DLG2: variants seen among roughly 807,000 people sequenced by gnomAD.
DLG2 encodes the protein disks large homolog 2.
A neutral mutation model predicts 132.5 loss-of-function variants in DLG2; 45 were observed. The ratio of observed to expected loss-of-function variants is 0.34; its 90% CI spans 0.27 to 0.44. DLG2 has a LOEUF of 0.44. DLG2 is among the 20% of genes least tolerant of loss of function. The probability of loss-of-function intolerance (pLI) is 1.00; values close to 1 mark genes in which losing one functional copy is unlikely to be tolerated. For synonymous variants in DLG2, 424 were observed against 419.6 expected, an observed-to-expected ratio of 1.01 and a Z score of -0.13; for missense variants, 1,045 against 1,196.9, an observed-to-expected ratio of 0.87 and a Z score of 1.87.
At chr11:85,032,533 T>C (rs7111336) in intron 6 of DLG2, among the ~76,000 whole-genome samples, 80,147 of 151,982 alleles carry the variant, frequency 0.53, 21,573 homozygotes, top group East Asian at 0.67. Flanking sequence ...TAGCAGGATC[T>C]ATTTTTTCCT....
intron 6 of DLG2, among the ~76,000 whole-genome samples, chr11:84,582,407 G>C (rs1018219834): frequency 6.7e-6 from 1 of 148,526 alleles, no homozygotes; most frequent in African/African-American, 2.5e-5. Context: ...ACTCTTTTAA[G>C]TTAAAATACA....
At chr11:85,331,407 CT>C (rs2081736845) in intron 3 of DLG2, among the ~76,000 whole-genome samples, 1 of 152,122 alleles carries the variant, frequency 6.6e-6, no homozygotes, top group Non-Finnish European at 1.5e-5. Context: ...CCTTGCCCTT[CT>C]TTTTCTTTAT....
intron 3 of DLG2, among the ~76,000 whole-genome samples, chr11:85,381,342 G>A (rs2085870755): frequency 6.6e-6 from 1 of 152,150 alleles, no homozygotes; most frequent in African/African-American, 2.4e-5. Context: ...AACAGATCCA[G>A]CCTCTTCAAC....
chr11:83,486,202 C>CTCCAGTT (rs1350039305), intron 21 of DLG2: 1 of 689,334 alleles, frequency 1.5e-6, no homozygotes, highest in Non-Finnish European at 2.6e-6. Flanking sequence ...TCTTGCATCA[C>CTCCAGTT]TCCAGTTTCA....
intron 6 of DLG2, among the ~76,000 whole-genome samples, chr11:84,604,028 T>C (rs1435870582): frequency 6.6e-6 from 1 of 152,010 alleles, no homozygotes; most frequent in Non-Finnish European, 1.5e-5. Flanking sequence ...ATCATCATCA[T>C]CCTAATATGT....
At chr11:84,154,842 G>A (rs565324095) in intron 9 of DLG2, among the ~76,000 whole-genome samples, 31 of 152,192 alleles carry the variant, frequency 2.0e-4, no homozygotes, top group African/African-American at 5.8e-4. Context: ...CCTTTTTGAT[G>A]GCTGCATAGT....
At chr11:85,400,377 T>G (rs935288788) in intron 3 of DLG2, among the ~76,000 whole-genome samples, 20 of 135,006 alleles carry the variant, frequency 1.5e-4, no homozygotes, top group African/African-American at 5.0e-4. Flanking sequence ...AGTGTGGCGA[T>G]TCCTCAGGGA....
intron 8 of DLG2, among the ~76,000 whole-genome samples, chr11:84,195,161 T>A (rs1217895684): frequency 1.3e-5 from 2 of 152,108 alleles, no homozygotes; most frequent in Non-Finnish European, 2.9e-5. Flanking sequence ...CTCTTCATTT[T>A]TTTATTTATT....
At chr11:85,394,505 C>A (rs2087108620) in intron 3 of DLG2, among the ~76,000 whole-genome samples, 1 of 152,178 alleles carries the variant, frequency 6.6e-6, no homozygotes, top group African/African-American at 2.4e-5. Context: ...GATGTCAGGC[C>A]CCGACCCTGC....
At chr11:84,841,251 A>G (rs1466645687) in intron 6 of DLG2, among the ~76,000 whole-genome samples, 1 of 152,002 alleles carries the variant, frequency 6.6e-6, no homozygotes, top group African/African-American at 2.4e-5. Context: ...TTATATAAGA[A>G]AGGAGAAGGG....
chr11:84,210,841 C>T (rs1302060470), intron 8 of DLG2, among the ~76,000 whole-genome samples: 1 of 151,998 alleles, frequency 6.6e-6, no homozygotes, highest in East Asian at 1.9e-4. Flanking sequence ...TGGGAGGGCA[C>T]AGACTGAAAA....
intron 18 of DLG2, among the ~76,000 whole-genome samples, chr11:83,639,569 G>A (rs909045279): frequency 1.4e-5 from 2 of 146,922 alleles, no homozygotes; most frequent in African/African-American, 5.0e-5. Context: ...AGAACACATG[G>A]ACAGAGGAAG....
At chr11:83,934,284 C>T (rs766737780) in intron 14 of DLG2, among the ~76,000 whole-genome samples, 1 of 152,234 alleles carries the variant, frequency 6.6e-6, no homozygotes, top group Non-Finnish European at 1.5e-5. Context: ...AGCCAACAGA[C>T]AAAACCTTGG....
chr11:84,741,211 C>T (rs1053380125), intron 6 of DLG2, among the ~76,000 whole-genome samples: 9 of 151,524 alleles, frequency 5.9e-5, no homozygotes, highest in Non-Finnish European at 1.2e-4. Flanking sequence ...GGACTACAGG[C>T]GCCCGCCACT....
chr11:84,787,728 G>T (rs1026695391), intron 6 of DLG2, among the ~76,000 whole-genome samples: 2 of 152,016 alleles, frequency 1.3e-5, no homozygotes, highest in African/African-American at 4.8e-5. Context: ...ATACTTGAAG[G>T]CCCTCACCAC....
chr11:83,645,607 A>G (rs979780427), intron 18 of DLG2: 1 of 152,162 alleles, frequency 6.6e-6, no homozygotes, highest in Non-Finnish European at 1.5e-5. Flanking sequence ...AGGCAAATTT[A>G]TCTTTCCTCT....
intron 19 of DLG2, among the ~76,000 whole-genome samples, chr11:83,542,281 C>G (rs2096094840): frequency 6.6e-6 from 1 of 151,902 alleles, no homozygotes; most frequent in African/African-American, 2.4e-5. Context: ...GTACTGTAAA[C>G]AAATCATCTC....
At chr11:84,704,925 A>G (rs2059628464) in intron 6 of DLG2, among the ~76,000 whole-genome samples, 1 of 148,840 alleles carries the variant, frequency 6.7e-6, no homozygotes, top group African/African-American at 2.4e-5. Context: ...TTATGTATAT[A>G]CACATATATA....
chr11:84,706,700 G>C (rs2059815643), intron 6 of DLG2, among the ~76,000 whole-genome samples: 1 of 141,382 alleles, frequency 7.1e-6, no homozygotes, highest in Non-Finnish European at 1.6e-5. Flanking sequence ...GAGACAGGAG[G>C]AAAGAAGAAA....
Sources: gnomAD v4.1 joint callset for allele counts (sites outside exome capture counted in the v4.1 genomes callset) on GRCh38, gnomAD v4.1.1 for gene constraint, MANE v1.5 for transcripts, NCBI Gene and HGNC (gene_info 2026-07-23, HGNC 2026-07-21) for gene names.